The following PTPRN2 variants were observed in gnomAD, a reference collection of about 807,000 sequenced individuals.
PTPRN2 encodes receptor-type tyrosine-protein phosphatase N2.
In PTPRN2, 74 loss-of-function variants were observed where a neutral mutation model predicts 118.8. The observed-to-expected ratio is 0.62, with a 90% CI of 0.52 to 0.76. The LOEUF is 0.76. Ranked by LOEUF, PTPRN2 falls within the 30% of genes least tolerant of loss-of-function variation. PTPRN2 has a pLI of 0.00. For synonymous variants in PTPRN2, 641 were observed against 608.0 expected, an observed-to-expected ratio of 1.05 and a Z score of -0.80; for missense variants, 1,481 against 1,394.4, an observed-to-expected ratio of 1.06 and a Z score of -0.99.
At position 157,987,043 on chromosome 7, in the gene PTPRN2, C is replaced by T. The variant is rs1218894985; in HGVS notation, c.1724-88306G>A. 3.9e-5 allele frequency among the ~76,000 whole-genome samples: 6 copies of T among 152,244 alleles called. No homozygotes were observed. The highest frequency in any genetic ancestry group is 3.4e-3 in the Middle Eastern group (1 of 294). ...CGGGTTCATGCACTGGAGTAGCTGC[C>T]GGTACACATCTAGGGAGTGATGATC... On this transcript the variant is annotated intron_variant, in intron 11 of 22. Transcript: ENST00000389418. This position sits in a 1 kb window ranked among gnomAD's most constrained non-coding sequence, Gnocchi z 4.3.
intron 12 of PTPRN2, among the ~76,000 whole-genome samples, chr7:157,830,413 T>A (rs946334820): frequency 1.3e-5 from 2 of 152,192 alleles, no homozygotes; most frequent in African/African-American, 4.8e-5. Flanking sequence ...GGCAGGTGCC[T>A]CTTTTACCAA....
At chr7:157,775,064 C>T (rs543797494) in intron 12 of PTPRN2, among the ~76,000 whole-genome samples, 2 of 152,300 alleles carry the variant, frequency 1.3e-5, no homozygotes, top group Admixed American at 6.5e-5. Flanking sequence ...GGCCTGAAAA[C>T]GTCCACATGC....
chr7:157,601,448 G>GAAA (rs5888722), intron 16 of PTPRN2, among the ~76,000 whole-genome samples: 11,823 of 148,566 alleles, frequency 0.08, 562 homozygotes, highest in African/African-American at 0.14. Flanking sequence ...CCCAAATTTG[G>GAAA]AAAAAAAAAA....
chr7:158,227,637 A>G (rs1340654459), intron 3 of PTPRN2, among the ~76,000 whole-genome samples: 1 of 152,178 alleles, frequency 6.6e-6, no homozygotes, highest in Non-Finnish European at 1.5e-5. Context: ...TCAGCAGTAA[A>G]CTCATGCTCA....
chr7:157,911,080 G>A (rs987566752), intron 11 of PTPRN2, among the ~76,000 whole-genome samples: 2 of 152,174 alleles, frequency 1.3e-5, no homozygotes, highest in African/African-American at 2.4e-5. Context: ...CTTCTTTGGC[G>A]GTGAGGCCAA....
intron 2 of PTPRN2, among the ~76,000 whole-genome samples, chr7:158,461,004 C>A (rs1010146958): frequency 3.3e-5 from 5 of 152,192 alleles, no homozygotes; most frequent in Non-Finnish European, 7.3e-5. Flanking sequence ...CATCATTGCA[C>A]AAACTACAAC....
intron 3 of PTPRN2, among the ~76,000 whole-genome samples, chr7:158,251,487 G>A (rs1301191261): frequency 2.6e-5 from 4 of 151,622 alleles, no homozygotes; most frequent in South Asian, 2.1e-4. Context: ...TATGGTGCAC[G>A]TGTGGTGTGT....
Position 158,529,179 on chromosome 7 carries a change from C to G in PTPRN2, c.113-39394G>C, listed in dbSNP as rs913508147. The stretch of plus-strand genomic sequence containing the variant: ...GACATTAGAATGCCCGCAGCACTCA[C>G]ACAGCACCTGGTGGGCACTAAGCAC... On this transcript the variant is annotated intron_variant, in intron 1 of 22. Coordinates refer to ENST00000389418, the MANE Select transcript of PTPRN2 (RefSeq NM_002847.5). The surrounding 1 kb of genome is among the most constrained non-coding windows in gnomAD (Gnocchi z 4.7). 6.6e-6 allele frequency among the ~76,000 whole-genome samples: 1 copy of G among 152,252 alleles called. No individual in the cohort carries two copies. Among genetic ancestry groups the G allele is most frequent in the African/African-American group, 2.4e-5 (1 of 41,470 alleles).
At chr7:158,450,991 G>A (rs376574758) in intron 2 of PTPRN2, among the ~76,000 whole-genome samples, 3 of 152,110 alleles carry the variant, frequency 2.0e-5, no homozygotes, top group African/African-American at 7.3e-5. Context: ...GGAACTCCCC[G>A]CCCCACGTCG....
At chr7:157,879,497 T>C (rs1299835861) in intron 12 of PTPRN2, among the ~76,000 whole-genome samples, 2 of 152,184 alleles carry the variant, frequency 1.3e-5, no homozygotes, top group Non-Finnish European at 2.9e-5. Flanking sequence ...CCATGCAGAG[T>C]GTCTTCTGAT....
At chr7:157,924,595 T>C (rs564989148) in intron 11 of PTPRN2, among the ~76,000 whole-genome samples, 28 of 152,368 alleles carry the variant, frequency 1.8e-4, no homozygotes, top group African/African-American at 6.3e-4. Context: ...AAACAGGTCA[T>C]GTGGAATCTA....
chr7:158,439,699 C>T (rs1323397292), intron 2 of PTPRN2, among the ~76,000 whole-genome samples: 1 of 152,214 alleles, frequency 6.6e-6, no homozygotes, highest in Non-Finnish European at 1.5e-5. Context: ...AATGCATCTT[C>T]CATAGACATA....
Position 158,287,004 on chromosome 7 carries a change from A to G in PTPRN2, c.277+29815T>C, listed in dbSNP as rs1360925044. ...GAACTCTTTTTATGGGAGACTTTTTATTACTAATCAAATCTCCATATTTGT... is the reference window on the plus strand; with the variant it reads ...GAACTCTTTTTATGGGAGACTTTTTGTTACTAATCAAATCTCCATATTTGT... On this transcript the variant is annotated intron_variant, in intron 3 of 22. Coordinates refer to ENST00000389418, the MANE Select transcript of PTPRN2 (RefSeq NM_002847.5). 2.0e-5 allele frequency among the ~76,000 whole-genome samples: 3 copies of G among 152,086 alleles called. No homozygotes were observed. In the East Asian group the frequency reaches 5.8e-4, roughly 29 times the overall value.
intron 3 of PTPRN2, among the ~76,000 whole-genome samples, chr7:158,269,085 A>C (rs1048421805): frequency 6.6e-6 from 1 of 152,204 alleles, no homozygotes; most frequent in Admixed American, 6.5e-5. Flanking sequence ...GGAGGAGCAC[A>C]GGAGGAGCTC....
rs1364134816 is a variant in PTPRN2 at position 157,609,556 on chromosome 7, G to A, written c.2345-5481C>T. On this transcript the variant is annotated intron_variant, in intron 15 of 22. Transcript: ENST00000389418. The surrounding 1 kb of genome is among the most constrained non-coding windows in gnomAD (Gnocchi z 4.9). Reference sequence around the variant, plus strand: ...AGGCTGAAGAAACTAAGACTCATAAGGATGGAACGATTCACGTGGCCACGG... The same window carrying A: ...AGGCTGAAGAAACTAAGACTCATAAAGATGGAACGATTCACGTGGCCACGG... 1.3e-5 allele frequency among the ~76,000 whole-genome samples: 2 copies of A among 152,216 alleles called. No individual in the cohort carries two copies. Among genetic ancestry groups the A allele is most frequent in the African/African-American group, 4.8e-5 (2 of 41,460 alleles).
At chr7:158,096,377 C>T (rs1814626518) in intron 10 of PTPRN2, among the ~76,000 whole-genome samples, 1 of 152,216 alleles carries the variant, frequency 6.6e-6, no homozygotes, top group Non-Finnish European at 1.5e-5. Flanking sequence ...AAACTGCTCT[C>T]CTCCTAAATG....
intron 10 of PTPRN2, among the ~76,000 whole-genome samples, chr7:158,085,344 AT>A (rs1813249116): frequency 1.1e-5 from 1 of 94,908 alleles, no homozygotes; most frequent in East Asian, 3.5e-4. Context: ...ATCCACACCC[AT>A]GACGCCCATC....
At position 158,307,057 on chromosome 7, in the gene PTPRN2, G is replaced by A. The variant is rs184058491; in HGVS notation, c.277+9762C>T. ...AATTTTTGTATTTTTAGTAGAGACG[G>A]GGTTTCACCATGTTGGGCAGACTAG... On this transcript the variant is annotated intron_variant, in intron 3 of 22. Transcript: ENST00000389418. Among the ~76,000 whole-genome samples the A allele has an allele frequency of 5.9e-3, 897 of 152,046 alleles. 6 individuals are homozygous for A. The highest frequency in any genetic ancestry group is 0.011 in the Non-Finnish European group (715 of 67,978).
chr7:158,548,757 G>C (rs1421176610), intron 1 of PTPRN2, among the ~76,000 whole-genome samples: 2 of 152,192 alleles, frequency 1.3e-5, no homozygotes, highest in Non-Finnish European at 2.9e-5. Flanking sequence ...CCCAGTGTGG[G>C]ACCAGCGTGA....
Sources: allele counts gnomAD v4.1 joint callset (sites outside exome capture counted in the v4.1 genomes callset), GRCh38; gene constraint gnomAD v4.1.1; non-coding constraint Gnocchi (gnomAD v3.1); transcripts MANE v1.5; gene names NCBI Gene and HGNC (gene_info 2026-07-23, HGNC 2026-07-21).